The following PALM2AKAP2 variants were observed in gnomAD, a reference collection of about 807,000 sequenced individuals.
PALM2AKAP2 encodes PALM2-AKAP2 fusion protein.
A neutral mutation model predicts 71.5 loss-of-function variants in PALM2AKAP2; 37 were observed. The observed-to-expected ratio is 0.52, with a 90% CI of 0.40 to 0.68. The LOEUF is 0.68. PALM2AKAP2 is among the 30% of genes least tolerant of loss of function. The probability of loss-of-function intolerance (pLI) is 0.00; values close to 1 mark genes in which losing one functional copy is unlikely to be tolerated. For missense variants in PALM2AKAP2, 1,224 were observed against 1,191.8 expected (o/e 1.03, Z -0.40); for synonymous variants, 468 against 478.8 (o/e 0.98, Z 0.29).
chr9:109,901,261 A>C (rs541622807), intron 3 of PALM2AKAP2, among the ~76,000 whole-genome samples: 3 of 152,218 alleles, frequency 2.0e-5, no homozygotes, highest in East Asian at 1.9e-4. Context: ...CAGATACTCT[A>C]TGCAGACCAA....
intron 1 of PALM2AKAP2, among the ~76,000 whole-genome samples, chr9:109,858,760 G>T (rs748553787): frequency 1.3e-5 from 2 of 152,156 alleles, no homozygotes; most frequent in African/African-American, 2.4e-5. Flanking sequence ...TATCAATGTG[G>T]TGTCATAAAG....
chr9:110,143,712 G>T (rs1836093004), intron 2 of PALM2AKAP2, among the ~76,000 whole-genome samples: 2 of 152,134 alleles, frequency 1.3e-5, no homozygotes, highest in Admixed American at 6.5e-5. Context: ...GATTTGTTTG[G>T]TTTTTTGAGA....
intron 1 of PALM2AKAP2, among the ~76,000 whole-genome samples, chr9:110,049,644 G>T (rs1833670367): frequency 6.6e-6 from 1 of 152,158 alleles, no homozygotes; most frequent in Non-Finnish European, 1.5e-5. Context: ...AGCAGACCGT[G>T]GGGGAGAGCA....
intron 1 of PALM2AKAP2, among the ~76,000 whole-genome samples, chr9:109,700,119 GAT>G (rs1828031452): frequency 6.6e-6 from 1 of 152,140 alleles, no homozygotes; most frequent in Non-Finnish European, 1.5e-5. Context: ...GGAAGGAAGA[GAT>G]ATAAATACCA....
chr9:109,875,657 A>G (rs989380639), intron 2 of PALM2AKAP2, among the ~76,000 whole-genome samples: 3 of 152,200 alleles, frequency 2.0e-5, no homozygotes, highest in Non-Finnish European at 2.9e-5. Flanking sequence ...CAGTGACAGC[A>G]TCACCTGGGA....
intron 1 of PALM2AKAP2, among the ~76,000 whole-genome samples, chr9:109,821,356 A>T (rs1828001078): frequency 6.6e-6 from 1 of 152,172 alleles, no homozygotes; most frequent in Admixed American, 6.5e-5. Context: ...AACAACAACA[A>T]AATAATAATA....
At chr9:110,048,656 G>C, upstream of PALM2AKAP2, 5 of 1,478,340 alleles carry the variant, frequency 3.4e-6, no homozygotes, top group Non-Finnish European at 4.4e-6. Flanking sequence ...GGCGGGCGGG[G>C]CTCCCCGCCC....
At chr9:110,018,159 C>T (rs903775172) in intron 7 of PALM2AKAP2, among the ~76,000 whole-genome samples, 1 of 152,142 alleles carries the variant, frequency 6.6e-6, no homozygotes, top group African/African-American at 2.4e-5. Flanking sequence ...GTTTAGACAT[C>T]ATTCTCGATC....
intron 1 of PALM2AKAP2, among the ~76,000 whole-genome samples, chr9:110,076,612 G>A (rs1019618095): frequency 6.6e-6 from 1 of 150,798 alleles, no homozygotes; most frequent in Non-Finnish European, 1.5e-5. Context: ...AAACACAGGA[G>A]TATAAAATAA....
chr9:109,714,521 G>C (rs1243979381), intron 1 of PALM2AKAP2, among the ~76,000 whole-genome samples: 2 of 152,054 alleles, frequency 1.3e-5, no homozygotes, highest in Non-Finnish European at 2.9e-5. Flanking sequence ...TTGAGAATTT[G>C]CAAACCTCTG....
chr9:109,779,111 C>A (rs1009985779), upstream of PALM2AKAP2, among the ~76,000 whole-genome samples: 2 of 152,134 alleles, frequency 1.3e-5, no homozygotes, highest in African/African-American at 4.8e-5. Flanking sequence ...TCCTATGGCT[C>A]TAAAGAGGCC....
chr9:109,829,953 T>C (rs1828254461), intron 1 of PALM2AKAP2, among the ~76,000 whole-genome samples: 1 of 152,192 alleles, frequency 6.6e-6, no homozygotes. Flanking sequence ...TTGAATAGTG[T>C]GGGCAATTCT....
At chr9:109,765,483 C>T (rs4246876) in intron 1 of PALM2AKAP2, 1 of 41,130 alleles carries the variant, frequency 2.4e-5, no homozygotes. Context: ...TGATCATCAT[C>T]ATCATCATCA....
At chr9:110,025,399 C>CTTTTTTTTTTT in intron 7 of PALM2AKAP2, 1 of 670,354 alleles carries the variant, frequency 1.5e-6, no homozygotes, top group Non-Finnish European at 2.6e-6. Flanking sequence ...GCCCGAAAGG[C>CTTTTTTTTTTT]TTTTTTTTTT....
At chr9:109,864,916 G>T (rs1394187369) in intron 1 of PALM2AKAP2, among the ~76,000 whole-genome samples, 1 of 151,956 alleles carries the variant, frequency 6.6e-6, no homozygotes, top group Non-Finnish European at 1.5e-5. Context: ...GCCCTCCATG[G>T]TATAGTCCTA....
chr9:110,097,361 C>A (rs6477738), intron 1 of PALM2AKAP2, among the ~76,000 whole-genome samples: 58,284 of 142,700 alleles, frequency 0.41, 12,049 homozygotes, highest in Admixed American at 0.5. Context: ...TCTTTCTACA[C>A]AGACATGGCA....
At chr9:109,905,274 C>G (rs1314199164) in intron 3 of PALM2AKAP2, among the ~76,000 whole-genome samples, 2 of 152,228 alleles carry the variant, frequency 1.3e-5, no homozygotes, top group African/African-American at 2.4e-5. Flanking sequence ...GCTCAGTGTT[C>G]TCTGCACTCA....
chr9:109,662,948 T>G (rs970685882), intron 1 of PALM2AKAP2, among the ~76,000 whole-genome samples: 40 of 152,204 alleles, frequency 2.6e-4, no homozygotes, highest in Non-Finnish European at 1.0e-4. Flanking sequence ...TTCAAGTTTA[T>G]TTGCGTAGAG....
chr9:109,838,215 T>A (rs1828538951), intron 1 of PALM2AKAP2, among the ~76,000 whole-genome samples: 1 of 152,174 alleles, frequency 6.6e-6, no homozygotes, highest in Non-Finnish European at 1.5e-5. Flanking sequence ...AACTCAAGAT[T>A]AAGAAACTCA....
Sources: gnomAD v4.1 joint callset for allele counts (sites outside exome capture counted in the v4.1 genomes callset) on GRCh38, gnomAD v4.1.1 for gene constraint, MANE v1.5 for transcripts, NCBI Gene and HGNC (gene_info 2026-07-23, HGNC 2026-07-21) for gene names.